OSBPL10: variants seen among roughly 807,000 people sequenced by gnomAD.
The protein encoded by OSBPL10 is oxysterol-binding protein-related protein 10.
A neutral mutation model predicts 81.7 loss-of-function variants in OSBPL10; 49 were observed. That is an observed-to-expected ratio of 0.60 (90% CI 0.48 to 0.76). The LOEUF is 0.76. Ranked by LOEUF, OSBPL10 falls within the 30% of genes least tolerant of loss-of-function variation. OSBPL10 has a pLI of 0.00. For missense variants in OSBPL10, 923 were observed against 987.8 expected (o/e 0.93, Z 0.88); for synonymous variants, 419 against 383.6 (o/e 1.09, Z -1.08).
chr3:31,815,912 G>T (rs9833982), intron 4 of OSBPL10, among the ~76,000 whole-genome samples: 1 of 151,998 alleles, frequency 6.6e-6, no homozygotes, highest in African/African-American at 2.4e-5. Context: ...AAATTGCCAC[G>T]TGAGATAAAA....
chr3:32,059,452 G>C (rs1461017238), intron 1 of OSBPL10, among the ~76,000 whole-genome samples: 2 of 150,470 alleles, frequency 1.3e-5, no homozygotes, highest in Non-Finnish European at 3.0e-5. Flanking sequence ...TTAGCCAGGC[G>C]TGGTGGTGGG....
At chr3:32,052,943 C>T (rs1699680669) in intron 1 of OSBPL10, among the ~76,000 whole-genome samples, 1 of 149,112 alleles carries the variant, frequency 6.7e-6, no homozygotes, top group South Asian at 2.2e-4. Context: ...ACGTTCTGCA[C>T]ATATATCCCA....
At chr3:31,753,837 C>G (rs1050639198) in intron 4 of OSBPL10, among the ~76,000 whole-genome samples, 1 of 152,206 alleles carries the variant, frequency 6.6e-6, no homozygotes, top group African/African-American at 2.4e-5. Flanking sequence ...TTGATAAATT[C>G]TGACCTTGCC....
At chr3:31,995,970 G>C (rs1266588155) in intron 2 of OSBPL10, among the ~76,000 whole-genome samples, 1 of 152,124 alleles carries the variant, frequency 6.6e-6, no homozygotes, top group Non-Finnish European at 1.5e-5. Flanking sequence ...TGGAAATGGA[G>C]GATGAATCCA....
chr3:31,960,798 AT>A (rs770813662), intron 1 of OSBPL10, among the ~76,000 whole-genome samples: 33 of 151,954 alleles, frequency 2.2e-4, no homozygotes, highest in Non-Finnish European at 4.4e-4. Context: ...CACCCTACAA[AT>A]GCTCACCACC....
At chr3:31,753,274 G>A (rs554992796) in intron 4 of OSBPL10, among the ~76,000 whole-genome samples, 5 of 149,264 alleles carry the variant, frequency 3.3e-5, no homozygotes, top group East Asian at 2.0e-4. Flanking sequence ...CGCAACTTCC[G>A]CCTCGCCTCC....
intron 4 of OSBPL10, among the ~76,000 whole-genome samples, chr3:31,806,088 C>T (rs1226180799): frequency 6.6e-6 from 1 of 152,220 alleles, no homozygotes; most frequent in Non-Finnish European, 1.5e-5. Context: ...AGGAATTGAA[C>T]TCTGGCAGTC....
intron 4 of OSBPL10, among the ~76,000 whole-genome samples, chr3:31,768,038 A>G (rs187747628): frequency 6.6e-6 from 1 of 152,292 alleles, no homozygotes; most frequent in Non-Finnish European, 1.5e-5. Flanking sequence ...ATCGTGCGCT[A>G]AAAAAGAGAC....
At chr3:31,838,739 T>A (rs1263094357) in intron 3 of OSBPL10, among the ~76,000 whole-genome samples, 1 of 151,686 alleles carries the variant, frequency 6.6e-6, no homozygotes, top group African/African-American at 2.4e-5. Context: ...AAATTACTTT[T>A]TAATATCAAA....
chr3:31,952,379 A>G (rs968680611), intron 1 of OSBPL10, among the ~76,000 whole-genome samples: 2 of 152,118 alleles, frequency 1.3e-5, no homozygotes, highest in Non-Finnish European at 2.9e-5. Context: ...GATCTTAACC[A>G]GGTGGCACTT....
At chr3:31,862,050 C>T (rs543642043) in intron 3 of OSBPL10, among the ~76,000 whole-genome samples, 88 of 152,264 alleles carry the variant, frequency 5.8e-4, no homozygotes, top group African/African-American at 1.7e-3. Flanking sequence ...GAACTGTCAG[C>T]GGTACTTTGA....
intron 1 of OSBPL10, among the ~76,000 whole-genome samples, chr3:31,893,516 G>T (rs1695961718): frequency 6.6e-6 from 1 of 152,140 alleles, no homozygotes; most frequent in South Asian, 2.1e-4. Context: ...CAACACATCA[G>T]TTTCACTCCT....
intron 2 of OSBPL10, among the ~76,000 whole-genome samples, chr3:32,040,223 A>G (rs1699559966): frequency 6.6e-6 from 1 of 152,122 alleles, no homozygotes; most frequent in Non-Finnish European, 1.5e-5. Flanking sequence ...CCTGGCCAAC[A>G]TGGTGAACCC....
chr3:31,947,115 GA>G (rs757712474), intron 1 of OSBPL10, among the ~76,000 whole-genome samples: 1 of 152,196 alleles, frequency 6.6e-6, no homozygotes, highest in Non-Finnish European at 1.5e-5. Context: ...TAATCAGAAT[GA>G]TTCACTAAAT....
At chr3:31,756,957 T>C (rs962361432) in intron 4 of OSBPL10, among the ~76,000 whole-genome samples, 3 of 152,216 alleles carry the variant, frequency 2.0e-5, no homozygotes, top group Non-Finnish European at 4.4e-5. Flanking sequence ...AATGTATCAC[T>C]GTAGTCCACA....
At chr3:31,944,833 TAAAAAAAAAAA>T (rs869140991) in intron 1 of OSBPL10, among the ~76,000 whole-genome samples, 21 of 55,112 alleles carry the variant, frequency 3.8e-4, no homozygotes, top group Admixed American at 1.1e-3. Context: ...CCCCTCTCTT[TAAAAAAAAAAA>T]AAAAAAAAAA....
intron 1 of OSBPL10, among the ~76,000 whole-genome samples, chr3:32,076,306 T>A (rs1699876089): frequency 2.6e-5 from 4 of 151,576 alleles, no homozygotes; most frequent in African/African-American, 9.7e-5. Context: ...AGGCAGAGCT[T>A]GTAGTGAGCA....
chr3:31,976,186 G>C (rs1698692042), intron 1 of OSBPL10, among the ~76,000 whole-genome samples: 2 of 152,150 alleles, frequency 1.3e-5, no homozygotes, highest in South Asian at 4.1e-4. Flanking sequence ...GGACCAGAAA[G>C]TGCCTACTTA....
chr3:31,998,010 C>T (rs940390777), intron 2 of OSBPL10, among the ~76,000 whole-genome samples: 1 of 152,072 alleles, frequency 6.6e-6, no homozygotes, highest in African/African-American at 2.4e-5. Flanking sequence ...CCAGACTGGT[C>T]TCAGACTCCT....
Sources: gnomAD v4.1 joint callset for allele counts (sites outside exome capture counted in the v4.1 genomes callset) on GRCh38, gnomAD v4.1.1 for gene constraint, MANE v1.5 for transcripts, NCBI Gene and HGNC (gene_info 2026-07-23, HGNC 2026-07-21) for gene names.